Variants in LHFPL3 observed in about 807,000 individuals in gnomAD.
The protein encoded by LHFPL3 is LHFPL tetraspan subfamily member 3.
In LHFPL3, 5 loss-of-function variants were observed where a neutral mutation model predicts 19.3. The ratio of observed to expected loss-of-function variants is 0.26; its 90% CI spans 0.14 to 0.54. The LOEUF is 0.54. Among genes scored for constraint, LHFPL3 ranks in the 20% least tolerant of loss-of-function variants. The pLI, the probability that LHFPL3 is intolerant of heterozygous loss-of-function variation, is 0.94. For missense variants in LHFPL3, 249 were observed against 307.4 expected (o/e 0.81, Z 1.42); for synonymous variants, 133 against 126.2 (o/e 1.05, Z -0.36).
At chr7:104,535,842 T>C (rs10231685) in intron 1 of LHFPL3, among the ~76,000 whole-genome samples, 32,717 of 152,100 alleles carry the variant, frequency 0.22, 4,049 homozygotes, top group African/African-American at 0.34. Context: ...GTGATCAATG[T>C]TGGGATGGAT....
intron 1 of LHFPL3, among the ~76,000 whole-genome samples, chr7:104,582,580 A>G (rs2115572700): frequency 1.3e-5 from 2 of 152,158 alleles, no homozygotes; most frequent in East Asian, 1.9e-4. Context: ...ACCATTGGAT[A>G]TAATGTTAGG....
chr7:104,762,155 G>A (rs925085967), intron 2 of LHFPL3, among the ~76,000 whole-genome samples: 7 of 152,216 alleles, frequency 4.6e-5, no homozygotes, highest in Non-Finnish European at 7.3e-5. Flanking sequence ...CCTGGCATGA[G>A]AGGGTTAACA....
At chr7:104,854,556 CATTA>C (rs1791466853) in intron 2 of LHFPL3, among the ~76,000 whole-genome samples, 2 of 152,136 alleles carry the variant, frequency 1.3e-5, no homozygotes, top group Admixed American at 1.3e-4. Flanking sequence ...GAGATCTATT[CATTA>C]ATTATGAGAG....
In LHFPL3 at chr7:104,907,460, C is replaced by T. The variant is rs1792642551; in HGVS notation, c.*1245C>T. 2.0e-5 allele frequency among the ~76,000 whole-genome samples: 3 copies of T among 152,110 alleles called. No homozygotes were observed. The South Asian group carries it at 6.2e-4, about 31-fold the overall frequency. Reference sequence around the variant, plus strand: ...ACATCTGGAAGTAGTTAACAACTAACCAGTGGACTTCAACAATCATTTGCT... The same window carrying T: ...ACATCTGGAAGTAGTTAACAACTAATCAGTGGACTTCAACAATCATTTGCT... On this transcript the variant is annotated 3_prime_UTR_variant, in exon 3 of 3. Coordinates refer to ENST00000424859, the MANE Select transcript of LHFPL3 (RefSeq NM_199000.3).
intron 1 of LHFPL3, among the ~76,000 whole-genome samples, chr7:104,466,706 T>TGTTTGAC (rs1437664540): frequency 6.6e-6 from 1 of 152,200 alleles, no homozygotes; most frequent in African/African-American, 2.4e-5. Flanking sequence ...TAGAACTGAG[T>TGTTTGAC]GTTTGACCTA....
At chr7:104,378,453 A>G (rs1790759451) in intron 1 of LHFPL3, among the ~76,000 whole-genome samples, 1 of 152,108 alleles carries the variant, frequency 6.6e-6, no homozygotes, top group Non-Finnish European at 1.5e-5. Flanking sequence ...TGTTGATGGC[A>G]TTTCTGTTGT....
intron 1 of LHFPL3, chr7:104,669,452 G>T: frequency 6.2e-7 from 1 of 1,613,070 alleles, no homozygotes. Context: ...CAAGACTCCA[G>T]ATCTGCACCT....
intron 2 of LHFPL3, among the ~76,000 whole-genome samples, chr7:104,858,803 C>CT (rs1036528539): frequency 1.3e-5 from 2 of 152,184 alleles, no homozygotes; most frequent in African/African-American, 4.8e-5. Context: ...CTGTCAATTA[C>CT]TTTTTTTTCT....
chr7:104,400,231 G>A (rs1220911212), intron 1 of LHFPL3, among the ~76,000 whole-genome samples: 2 of 144,104 alleles, frequency 1.4e-5, no homozygotes, highest in Non-Finnish European at 3.0e-5. Flanking sequence ...TTGAGTTACT[G>A]TAGTTCAAAG....
intron 1 of LHFPL3, among the ~76,000 whole-genome samples, chr7:104,337,029 T>A (rs1195214605): frequency 6.6e-6 from 1 of 152,050 alleles, no homozygotes; most frequent in African/African-American, 2.4e-5. Context: ...CCTTTTTTTT[T>A]AAGTGTTTGT....
chr7:104,417,113 C>T (rs868094337), intron 1 of LHFPL3, among the ~76,000 whole-genome samples: 2 of 152,176 alleles, frequency 1.3e-5, no homozygotes, highest in Non-Finnish European at 2.9e-5. Context: ...CATAATATTC[C>T]ATTACGTTGA....
At chr7:104,546,913 C>A (rs1029597174) in intron 1 of LHFPL3, among the ~76,000 whole-genome samples, 4 of 152,206 alleles carry the variant, frequency 2.6e-5, no homozygotes, top group Non-Finnish European at 5.9e-5. Context: ...TGTAAGGTTT[C>A]TAGCACAAAT....
At chr7:104,714,984 CAGAG>C (rs138444744) in intron 1 of LHFPL3, among the ~76,000 whole-genome samples, 5 of 149,374 alleles carry the variant, frequency 3.3e-5, no homozygotes, top group South Asian at 2.1e-4. Flanking sequence ...TGTATATACA[CAGAG>C]AGAGAGAGAG....
intron 2 of LHFPL3, among the ~76,000 whole-genome samples, chr7:104,793,882 T>G (rs12671054): frequency 0.16 from 23,923 of 152,112 alleles, 2,257 homozygotes; most frequent in East Asian, 0.46. Context: ...GGTTTAGGGA[T>G]TTTTAGACCC....
In LHFPL3 at chr7:104,639,054, C is replaced by T. The variant is rs1791782885; in HGVS notation, c.446-97621C>T. Among the ~76,000 whole-genome samples, 3 of 152,076 alleles carry T rather than the reference C, an allele frequency of 2.0e-5. No homozygotes were observed. The South Asian group carries it at 6.2e-4, about 31-fold the overall frequency. ...TGCTGGGATTACAGGCCCACCATGC[C>T]TAGCCAGATTAGCTTTTTGATATGC... On this transcript the variant is annotated intron_variant, in intron 1 of 2. Coordinates refer to ENST00000424859, the MANE Select transcript of LHFPL3 (RefSeq NM_199000.3).
In LHFPL3 at chr7:104,607,956, C is replaced by G. The variant is rs1195756586; in HGVS notation, c.446-128719C>G. ...TCAAAACCACAATGAGATACCATCT[C>G]ACACCAGTTAGAATGGCAATCATTA... On this transcript the variant is annotated intron_variant, in intron 1 of 2. Transcript: ENST00000424859. Among the ~76,000 whole-genome samples, 3 of 152,192 alleles carry G rather than the reference C, an allele frequency of 2.0e-5. No individual in the cohort carries two copies. The South Asian group carries it at 6.2e-4, about 31-fold the overall frequency.
intron 2 of LHFPL3, among the ~76,000 whole-genome samples, chr7:104,827,720 G>T (rs1010783738): frequency 2.0e-5 from 3 of 150,938 alleles, no homozygotes; most frequent in Admixed American, 6.6e-5. Context: ...TGTGTCTTTT[G>T]TTATGAATTC....
chr7:104,720,724 G>T (rs75760973), intron 1 of LHFPL3, among the ~76,000 whole-genome samples: 1 of 151,936 alleles, frequency 6.6e-6, no homozygotes, highest in African/African-American at 2.4e-5. Flanking sequence ...AAAAGTGGGC[G>T]AAGGATATGA....
intron 2 of LHFPL3, among the ~76,000 whole-genome samples, chr7:104,773,859 C>T (rs546996401): frequency 3.2e-4 from 48 of 152,324 alleles, no homozygotes; most frequent in African/African-American, 1.1e-3. Flanking sequence ...AAGGAGGAAC[C>T]AACCCTGCGG....
Sources: allele counts gnomAD v4.1 joint callset (sites outside exome capture counted in the v4.1 genomes callset), GRCh38; gene constraint gnomAD v4.1.1; transcripts MANE v1.5; gene names NCBI Gene and HGNC (gene_info 2026-07-23, HGNC 2026-07-21).